The following CCDC91 variants were observed in gnomAD, a reference collection of about 807,000 sequenced individuals.
The protein encoded by CCDC91 is coiled-coil domain containing 91, also known as coiled-coil domain-containing protein 91.
In CCDC91, 48 loss-of-function variants were observed where a neutral mutation model predicts 63.2. The observed-to-expected ratio is 0.76, with a 90% CI of 0.60 to 0.97. The LOEUF (loss-of-function observed/expected upper bound fraction) is 0.97. CCDC91 is among the 50% of genes least tolerant of loss of function. CCDC91 has a pLI of 0.00. For synonymous variants in CCDC91, 167 were observed against 165.8 expected (o/e 1.01, Z -0.06); for missense variants, 500 against 494.6 (o/e 1.01, Z -0.10).
chr12:28,503,530 T>C (rs1231273294), intron 12 of CCDC91, among the ~76,000 whole-genome samples: 1 of 152,186 alleles, frequency 6.6e-6, no homozygotes, highest in Non-Finnish European at 1.5e-5. Context: ...AGTGTGGCGA[T>C]TCCTCAGGGA....
intron 7 of CCDC91, among the ~76,000 whole-genome samples, chr12:28,380,453 A>AC (rs1945230597): frequency 6.6e-6 from 1 of 152,098 alleles, no homozygotes; most frequent in Admixed American, 6.6e-5. Flanking sequence ...AATATTTGTG[A>AC]CTAATGTTGC....
At chr12:28,224,802 T>C (rs1366786727) in intron 1 of CCDC91, among the ~76,000 whole-genome samples, 14 of 152,226 alleles carry the variant, frequency 9.2e-5, no homozygotes, top group Non-Finnish European at 4.4e-5. Context: ...AAGCTTAATG[T>C]GTCAACAGCC....
intron 6 of CCDC91, among the ~76,000 whole-genome samples, chr12:28,309,688 G>T (rs1169245286): frequency 2.0e-5 from 3 of 151,950 alleles, no homozygotes; most frequent in Non-Finnish European, 4.4e-5. Flanking sequence ...ATTAGTAAAT[G>T]AACAGAATAA....
intron 12 of CCDC91, among the ~76,000 whole-genome samples, chr12:28,521,802 A>G (rs777071453): frequency 2.0e-4 from 30 of 152,256 alleles, no homozygotes; most frequent in East Asian, 9.7e-4. Flanking sequence ...AGTTTTGTCA[A>G]AGGCCTTTTC....
At chr12:28,224,506 G>C (rs1407877927) in intron 1 of CCDC91, among the ~76,000 whole-genome samples, 1 of 151,962 alleles carries the variant, frequency 6.6e-6, no homozygotes, top group East Asian at 1.9e-4. Context: ...TGTGATTCCA[G>C]CTTTTTCATT....
chr12:28,275,396 A>T (rs1416728260), intron 3 of CCDC91, among the ~76,000 whole-genome samples: 15 of 152,146 alleles, frequency 9.9e-5, no homozygotes, highest in Non-Finnish European at 5.9e-5. Context: ...TCCTCGACAC[A>T]TACACCCTCC....
chr12:28,511,580 T>G (rs867622245), intron 12 of CCDC91, among the ~76,000 whole-genome samples: 5 of 152,010 alleles, frequency 3.3e-5, no homozygotes, highest in South Asian at 4.1e-4. Context: ...GCAAAGGTGC[T>G]GGATAGTTTG....
intron 1 of CCDC91, among the ~76,000 whole-genome samples, chr12:28,214,089 G>A (rs1451464182): frequency 6.6e-6 from 1 of 152,042 alleles, no homozygotes; most frequent in Non-Finnish European, 1.5e-5. Context: ...GTGAACTTAT[G>A]CTTTGATGAC....
intron 3 of CCDC91, among the ~76,000 whole-genome samples, chr12:28,293,433 CTTCA>C (rs1949364754): frequency 6.6e-6 from 1 of 152,106 alleles, no homozygotes; most frequent in African/African-American, 2.4e-5. Flanking sequence ...TTTTGTTTTA[CTTCA>C]TTAAGTCTTG....
intron 1 of CCDC91, among the ~76,000 whole-genome samples, chr12:28,219,340 C>G (rs1943775750): frequency 6.6e-6 from 1 of 151,822 alleles, no homozygotes; most frequent in Admixed American, 6.6e-5. Context: ...GATATAAGAC[C>G]TTTTCAGATA....
intron 8 of CCDC91, among the ~76,000 whole-genome samples, chr12:28,401,647 C>T (rs1946629071): frequency 6.6e-6 from 1 of 152,074 alleles, no homozygotes; most frequent in Admixed American, 6.6e-5. Context: ...GGAAATTGCC[C>T]CCATGATTCA....
At chr12:28,533,557 G>A (rs116632350) in intron 12 of CCDC91, among the ~76,000 whole-genome samples, 2,446 of 152,120 alleles carry the variant, frequency 0.016, 66 homozygotes, top group African/African-American at 0.056. Context: ...TAGTTGAGAT[G>A]TTGTGACTAT....
chr12:28,332,122 A>G (rs544522141), intron 6 of CCDC91, among the ~76,000 whole-genome samples: 2 of 152,328 alleles, frequency 1.3e-5, no homozygotes, highest in East Asian at 1.9e-4. Flanking sequence ...CTAAGTGTCT[A>G]TACTTACTAG....
intron 1 of CCDC91, among the ~76,000 whole-genome samples, chr12:28,243,611 G>A (rs1945500133): frequency 6.6e-6 from 1 of 151,744 alleles, no homozygotes; most frequent in African/African-American, 2.4e-5. Context: ...TACAGTTCAT[G>A]GACATATACA....
rs550022811 is a variant in CCDC91, at chr12:28,275,094, G to A, written c.109+15652G>A. ...CAAGAGCAAACACATTCAAAAGCTAGCAGAAGGCAAGAAATAACTAAGATC... is the reference window on the plus strand; with the variant it reads ...CAAGAGCAAACACATTCAAAAGCTAACAGAAGGCAAGAAATAACTAAGATC... On this transcript the variant is annotated intron_variant, in intron 3 of 12. Coordinates refer to ENST00000536442, the MANE Select transcript of CCDC91 (RefSeq NM_018318.5). Among the ~76,000 whole-genome samples, 291 of 152,208 alleles carry A rather than the reference G, an allele frequency of 1.9e-3. 3 individuals are homozygous for A. The highest frequency in any genetic ancestry group is 6.6e-3 in the African/African-American group (274 of 41,550).
At chr12:28,227,359 ACTTGG>A (rs1255717945) in intron 1 of CCDC91, among the ~76,000 whole-genome samples, 14 of 152,180 alleles carry the variant, frequency 9.2e-5, no homozygotes, top group Admixed American at 5.9e-4. Flanking sequence ...TTTATTTTCT[ACTTGG>A]CTTGGCCAGT....
chr12:28,518,072 T>C (rs1396936746), intron 12 of CCDC91, among the ~76,000 whole-genome samples: 1 of 152,018 alleles, frequency 6.6e-6, no homozygotes, highest in Middle Eastern at 3.2e-3. Flanking sequence ...TTTTTGCAAT[T>C]GTGAATTGTG....
At chr12:28,501,690 T>A (rs546105758) in intron 12 of CCDC91, among the ~76,000 whole-genome samples, 1 of 151,702 alleles carries the variant, frequency 6.6e-6, no homozygotes, top group Non-Finnish European at 1.5e-5. Flanking sequence ...TGTCTCTGCC[T>A]GGCTTTGGTA....
At position 28,425,031 on chromosome 12, in the gene CCDC91, G is replaced by A. The variant is rs530412377; in HGVS notation, c.763-25130G>A. On this transcript the variant is annotated intron_variant, in intron 8 of 12. Coordinates refer to ENST00000536442, the MANE Select transcript of CCDC91 (RefSeq NM_018318.5). ...CATGTACTTGAGGAGTCCAGATCCT[G>A]GTTAAAAACCTATTGTGATTTTTTT... 3.3e-5 allele frequency among the ~76,000 whole-genome samples: 5 copies of A among 152,098 alleles called. No homozygotes were observed. The South Asian group carries it at 1.0e-3, about 32-fold the overall frequency.
Sources: gnomAD v4.1 joint callset for allele counts (sites outside exome capture counted in the v4.1 genomes callset) on GRCh38, gnomAD v4.1.1 for gene constraint, MANE v1.5 for transcripts, NCBI Gene and HGNC (gene_info 2026-07-23, HGNC 2026-07-21) for gene names.